The following ZNF195 variants were observed in gnomAD, a reference collection of about 807,000 sequenced individuals.
The protein encoded by ZNF195 is hypoxia-regulated factor-1.
ZNF195 carries 11 observed loss-of-function variants against 19.5 expected under a neutral mutation model. The observed-to-expected ratio is 0.57, with a 90% CI of 0.36 to 0.94. The LOEUF (loss-of-function observed/expected upper bound fraction) is 0.94, where lower values mean the gene tolerates loss of function less well. ZNF195 is among the 40% of genes least tolerant of loss of function. The pLI is 0.01. For missense variants in ZNF195, 582 were observed against 709.0 expected (o/e 0.82, Z 2.03); for synonymous variants, 214 against 248.1 (o/e 0.86, Z 1.29).
At chr11:3,375,746 G>T (rs1197653848) in intron 1 of ZNF195, 1 of 152,146 alleles carries the variant, frequency 6.6e-6, no homozygotes, top group Admixed American at 6.5e-5. Flanking sequence ...AGAAAAACTG[G>T]AGTAATTCCC....
At chr11:3,366,925 T>G (rs1165173521) in intron 3 of ZNF195, 1 of 453,930 alleles carries the variant, frequency 2.2e-6, no homozygotes. Flanking sequence ...GTTAGCTGGG[T>G]GTGGCGGTGT....
chr11:3,360,457 T>C lies in ZNF195; in HGVS notation c.551A>G (p.Tyr184Cys). The change falls in exon 6 of 6, where the codon TAT (tyrosine) becomes TGT (cysteine). Residue 184 changes from tyrosine to cysteine, a missense_variant. Coordinates refer to ENST00000399602, the MANE Select transcript of ZNF195 (RefSeq NM_001130520.3). ...GYGNCGLDNL[Y>C]LRKDWESLDE... The stretch of plus-strand genomic sequence containing the variant: ...TAAACTTTCCCAGTCTTTCCTTAAA[T>C]ATAAATTATCAAGGCCACAATTTCC... The C allele has an allele frequency of 6.2e-7, 1 of 1,611,848 alleles. No individual in the cohort carries two copies. Among genetic ancestry groups the C allele is most frequent in the Non-Finnish European group, 8.5e-7 (1 of 1,179,834 alleles).
chr11:3,371,784 C>A (rs1849225949), intron 1 of ZNF195, 81 bp from the exon 2 acceptor site: 1 of 1,447,890 alleles, frequency 6.9e-7, no homozygotes, highest in African/African-American at 1.4e-5. Flanking sequence ...CTGACTTACA[C>A]AAGTGACTGA....
chr11:3,375,160 G>A (rs1241922608), intron 1 of ZNF195, among the ~76,000 whole-genome samples: 1 of 152,216 alleles, frequency 6.6e-6, no homozygotes, highest in African/African-American at 2.4e-5. Flanking sequence ...ATGAGACTCA[G>A]AGAAGGAGAG....
chr11:3,370,954 GC>G lies in ZNF195; in HGVS notation c.226+20del. The G allele has an allele frequency of 1.9e-6, 3 of 1,613,202 alleles. No individual in the cohort carries two copies. Among genetic ancestry groups the G allele is most frequent in the Non-Finnish European group, 2.5e-6 (3 of 1,179,268 alleles). ...TCTGGACCTCTCACCTGGGTTACCTGCTTCGTTCATTCCCACCCACCTGGAT... is the reference window on the plus strand; with the variant it reads ...TCTGGACCTCTCACCTGGGTTACCTGTTCGTTCATTCCCACCCACCTGGAT... On this transcript the variant is annotated intron_variant, in intron 3 of 5. Coordinates refer to ENST00000399602, the MANE Select transcript of ZNF195 (RefSeq NM_001130520.3).
At chr11:3,374,606 C>T (rs1010854741) in intron 1 of ZNF195, among the ~76,000 whole-genome samples, 4 of 152,224 alleles carry the variant, frequency 2.6e-5, no homozygotes, top group African/African-American at 7.2e-5. Flanking sequence ...GGGCACCTCA[C>T]GTCATGTGAG....
At position 3,359,600 on chromosome 11, in the gene ZNF195, C is replaced by T. The variant is rs749994834; in HGVS notation, c.1408G>A (p.Glu470Lys). The change falls in exon 6 of 6, where the codon GAA becomes AAA. Residue 470 changes from glutamate to lysine, a missense_variant. Physicochemically the swap from Glu to Lys is moderately conservative, Grantham distance 56. Transcript: ENST00000399602. This position sits in a 1 kb window ranked among gnomAD's most constrained non-coding sequence, Gnocchi z 5.5. ...HTGEKPYQCEECGKVFRTCSS... is the reference protein window; with the variant it reads ...HTGEKPYQCEKCGKVFRTCSS... Reference sequence around the variant, plus strand: ...CAAGTTCTGAAGACCTTCCCACATTCTTCACATTGGTAGGGTTTCTCTCCG... The same window carrying T: ...CAAGTTCTGAAGACCTTCCCACATTTTTCACATTGGTAGGGTTTCTCTCCG... 5.0e-6 allele frequency: 8 copies of T among 1,614,088 alleles called. No homozygotes were observed. Among genetic ancestry groups the T allele is most frequent in the Non-Finnish European group, 6.8e-6 (8 of 1,180,018 alleles).
chr11:3,366,822 C>T (rs536168538), intron 3 of ZNF195: 8 of 402,830 alleles, frequency 2.0e-5, no homozygotes, highest in African/African-American at 1.0e-4. Flanking sequence ...CCCAGCACTT[C>T]GGGAGACCGA....
At chr11:3,370,686 G>A (rs1849160819) in intron 3 of ZNF195, among the ~76,000 whole-genome samples, 2 of 152,238 alleles carry the variant, frequency 1.3e-5, no homozygotes, top group African/African-American at 4.8e-5. Flanking sequence ...CAAAAGCAGT[G>A]GCGGAGCACG....
chr11:3,378,765 A>T (rs1849598567), intron 1 of ZNF195, among the ~76,000 whole-genome samples: 1 of 152,138 alleles, frequency 6.6e-6, no homozygotes, highest in African/African-American at 2.4e-5. Flanking sequence ...TGCACAAACC[A>T]CCCACGGAGT....
In ZNF195 at chr11:3,372,029, C is replaced by A. The variant is rs535979374; in HGVS notation, c.4-326G>T. On this transcript the variant is annotated intron_variant, in intron 1 of 5. Coordinates refer to ENST00000399602, the MANE Select transcript of ZNF195 (RefSeq NM_001130520.3). The stretch of plus-strand genomic sequence containing the variant: ...TCATGGTGAGTTAGAAGCTGCCTCT[C>A]CAATTTTCATGTGTCCAATAAACTA... 1.2e-3 allele frequency among the ~76,000 whole-genome samples: 176 copies of A among 152,290 alleles called. 1 individual carries two copies. Among genetic ancestry groups the A allele is most frequent in the African/African-American group, 4.1e-3 (169 of 41,562 alleles).
chr11:3,365,875 C>A (rs2133690802), intron 3 of ZNF195, among the ~76,000 whole-genome samples: 1 of 152,244 alleles, frequency 6.6e-6, no homozygotes, highest in African/African-American at 2.4e-5. Context: ...ATCCTTTCAA[C>A]AAATGTTAAA....
chr11:3,368,998 T>G, intron 3 of ZNF195: 1 of 305,492 alleles, frequency 3.3e-6, no homozygotes, highest in South Asian at 2.9e-5. Context: ...GATATTGGTC[T>G]TGGCAATCAT....
rs1848547378 is a variant in ZNF195, at chr11:3,359,965, C to T, written c.1043G>A (p.Gly348Asp). The T allele has an allele frequency of 6.2e-7, 1 of 1,614,154 alleles. No homozygotes were observed. The highest frequency in any genetic ancestry group is 8.5e-7 in the Non-Finnish European group (1 of 1,180,044). ...QCSHLTEHEH[G>D]TEEKPCKYEE... ...ATATTTGCAGGGTTTTTCCTCAGTA[C>T]CATGCTCATGTTCAGTAAGGTGGGA... Residue 348 changes from glycine to aspartate, a missense_variant, in exon 6 of 6, where the codon GGT becomes GAT. Around this residue, in one of 3 missense-constraint regions of ZNF195, gnomAD observed 407 missense variants for 530.5 expected, o/e 0.77. Coordinates refer to ENST00000399602, the MANE Select transcript of ZNF195 (RefSeq NM_001130520.3). This position sits in a 1 kb window ranked among gnomAD's most constrained non-coding sequence, Gnocchi z 5.5.
chr11:3,374,759 A>G (rs1404236735), intron 1 of ZNF195, among the ~76,000 whole-genome samples: 1 of 152,228 alleles, frequency 6.6e-6, no homozygotes, highest in Non-Finnish European at 1.5e-5. Flanking sequence ...CTCCAGATAG[A>G]CCAATGGAAG....
intron 3 of ZNF195, chr11:3,369,527 A>G (rs1188681054): frequency 2.2e-6 from 1 of 451,166 alleles, no homozygotes; most frequent in Non-Finnish European, 4.5e-6. Context: ...AAAATGTGAT[A>G]TAAATAGACA....
At position 3,359,834 on chromosome 11, in the gene ZNF195, T is replaced by TA; in HGVS notation, c.1173dup (p.Asn392Ter). The TA allele has an allele frequency of 6.2e-7, 1 of 1,614,116 alleles. No homozygotes were observed. The highest frequency in any genetic ancestry group is 8.5e-7 in the Non-Finnish European group (1 of 1,180,044). Reference sequence around the variant, plus strand: ...TGTTTGGAAGGATTTGGGCTGTGGTTAAAACCTTTGTACCATGTTTCACAT... The same window carrying TA: ...TGTTTGGAAGGATTTGGGCTGTGGTTAAAAACCTTTGTACCATGTTTCACAT... On this transcript the variant is annotated frameshift_variant, in exon 6 of 6. Transcript: ENST00000399602. LOFTEE classifies it low-confidence loss of function (END_TRUNC). This position sits in a 1 kb window ranked among gnomAD's most constrained non-coding sequence, Gnocchi z 5.5.
At chr11:3,377,100 C>T (rs985705690) in intron 1 of ZNF195, among the ~76,000 whole-genome samples, 1 of 152,158 alleles carries the variant, frequency 6.6e-6, no homozygotes, top group African/African-American at 2.4e-5. Flanking sequence ...AGATATTTAA[C>T]TTTTTTCCTG....
chr11:3,371,755 C>G (rs373673600), intron 1 of ZNF195, 52 bp from the exon 2 acceptor site: 13 of 1,540,926 alleles, frequency 8.4e-6, no homozygotes, highest in Non-Finnish European at 1.1e-5. Flanking sequence ...GTGAAATGAG[C>G]GAGTGAAGAG....
Sources: gnomAD v4.1 joint callset for allele counts (sites outside exome capture counted in the v4.1 genomes callset) on GRCh38, gnomAD v4.1.1 for gene constraint, gnomAD v4.1.1 regional missense constraint, Gnocchi (gnomAD v3.1) non-coding constraint, MANE v1.5 for transcripts, NCBI Gene and HGNC (gene_info 2026-07-23, HGNC 2026-07-21) for gene names.